Variants in YME1L1 observed in about 807,000 individuals in gnomAD.
The protein encoded by YME1L1 is ATP-dependent zinc metalloprotease YME1L1.
In YME1L1, 39 loss-of-function variants were observed where a neutral mutation model predicts 90.4. That is an observed-to-expected ratio of 0.43 (90% confidence interval 0.33 to 0.56). The LOEUF is 0.56. Among genes scored for constraint, YME1L1 ranks in the 20% least tolerant of loss-of-function variants. The pLI is 0.03. For synonymous variants in YME1L1, 284 were observed against 287.3 expected (o/e 0.99, Z 0.12); for missense variants, 617 against 868.4 (o/e 0.71, Z 3.64).
chr10:27,120,309 GA>G (rs1259566923), intron 13 of YME1L1, 125 bp downstream of exon 13: 2,373 of 578,684 alleles, frequency 4.1e-3, no homozygotes, highest in South Asian at 5.1e-3. Context: ...CATACTAATG[GA>G]AAAAAAAAAG....
At position 27,115,632 on chromosome 10, in the gene YME1L1, T is replaced by C. The variant is rs79400488; in HGVS notation, c.1920+428A>G. ...GCCCAGCCTAAAATCATTTTAAGTC[T>C]GGTTCTCAGTACTTTCTTGAAAAAC... is the stretch of plus-strand genomic sequence containing the variant. On this transcript the variant is annotated intron_variant, in intron 17 of 18. Transcript: ENST00000376016. Among the ~76,000 whole-genome samples the C allele has an allele frequency of 8.8e-3, 1,347 of 152,264 alleles. 29 individuals are homozygous for C. Among genetic ancestry groups the C allele is most frequent in the East Asian group, 0.066 (343 of 5,178 alleles).
intron 4 of YME1L1, among the ~76,000 whole-genome samples, chr10:27,141,485 G>A (rs529367626): frequency 2.0e-5 from 3 of 152,224 alleles, no homozygotes; most frequent in African/African-American, 2.4e-5. Context: ...TATGCTAAAT[G>A]AGCAGAATAC....
chr10:27,147,171 T>C (rs2135901480), intron 2 of YME1L1: 1 of 561,190 alleles, frequency 1.8e-6, no homozygotes, highest in Non-Finnish European at 3.2e-6. Context: ...TGATTAGTTC[T>C]GTCTTATAGA....
chr10:27,114,588 C>T lies in YME1L1; in HGVS notation c.1940G>A (p.Ser647Asn). The change falls in exon 18 of 19, where the codon AGT (serine) becomes AAT (asparagine). Residue 647 changes from serine to asparagine, a missense_variant. By Grantham distance (46) the Ser-to-Asn change is conservative. Coordinates refer to ENST00000376016, the MANE Select transcript of YME1L1 (RefSeq NM_014263.4). Reference sequence around the variant, plus strand: ...TTCTGGACTTAGTTTCCCTGTATCACTGTAGGTCATAACTCCAAGCTAAAA... The same window carrying T: ...TTCTGGACTTAGTTTCCCTGTATCATTGTAGGTCATAACTCCAAGCTAAAA... ...MSEKLGVMTY[S>N]DTGKLSPETQ... 6 of 1,613,422 alleles carry T rather than the reference C, an allele frequency of 3.7e-6. No individual in the cohort carries two copies. Among genetic ancestry groups the T allele is most frequent in the Non-Finnish European group, 4.2e-6 (5 of 1,179,860 alleles).
At chr10:27,136,042 C>A (rs1216078694) in intron 5 of YME1L1, among the ~76,000 whole-genome samples, 1 of 152,060 alleles carries the variant, frequency 6.6e-6, no homozygotes, top group African/African-American at 2.4e-5. Context: ...CTCATTAATA[C>A]AGAGAACACC....
chr10:27,110,162 A>G lies in YME1L1; in HGVS notation c.*1815T>C, dbSNP rs968699298. The G allele has an allele frequency of 5.3e-5, 8 of 152,192 alleles. No individual in the cohort carries two copies. Among genetic ancestry groups the G allele is most frequent in the African/African-American group, 1.9e-4 (8 of 41,436 alleles). 9.4% of individuals were successfully genotyped at this position (152,192 alleles called of 1,614,324 possible). ...GTAAATTATACCTCAACAAATATGT[A>G]AAAAAATTTAAGACAGATAAGACTT... On this transcript the variant is annotated 3_prime_UTR_variant, in exon 19 of 19. Coordinates refer to ENST00000376016, the MANE Select transcript of YME1L1 (RefSeq NM_014263.4).
chr10:27,114,511 A>G lies in YME1L1; in HGVS notation c.2007+10T>C. On this transcript the variant is annotated intron_variant, in intron 18 of 18. Coordinates refer to ENST00000376016, the MANE Select transcript of YME1L1 (RefSeq NM_014263.4). ...CTAAGAAAATAAATAAGCACAAAAA[A>G]TATTATTACCCTTAGAAGGATTCTT... 1 of 1,600,584 alleles carries G rather than the reference A, an allele frequency of 6.2e-7. No individual in the cohort carries two copies. Among genetic ancestry groups the G allele is most frequent in the Non-Finnish European group, 8.5e-7 (1 of 1,175,290 alleles).
chr10:27,144,284 G>A (rs2057119789), intron 3 of YME1L1, among the ~76,000 whole-genome samples: 1 of 152,162 alleles, frequency 6.6e-6, no homozygotes, highest in Non-Finnish European at 1.5e-5. Context: ...TTTAGGCAGA[G>A]GCAAACTTTT....
chr10:27,151,381 G>A (rs564045665), intron 1 of YME1L1, among the ~76,000 whole-genome samples: 1 of 152,304 alleles, frequency 6.6e-6, no homozygotes, highest in East Asian at 1.9e-4. Context: ...TTAAGAGGTG[G>A]GACCTTTAAG....
At position 27,136,699 on chromosome 10, in the gene YME1L1, C is replaced by CTTTATTTA. The variant is rs149072823; in HGVS notation, c.431-322_431-315dup. ...TCTATCCTCCTTTTTTCAAAAGGAA[C>CTTTATTTA]TTTATTTATTTATTTATTTATTTAT... On this transcript the variant is annotated intron_variant, in intron 4 of 18. Coordinates refer to ENST00000376016, the MANE Select transcript of YME1L1 (RefSeq NM_014263.4). Among the ~76,000 whole-genome samples, 664 of 145,506 alleles carry CTTTATTTA rather than the reference C, an allele frequency of 4.6e-3. 4 individuals carry two copies. Among genetic ancestry groups the CTTTATTTA allele is most frequent in the African/African-American group, 7.7e-3 (299 of 38,988 alleles).
chr10:27,147,798 G>T, intron 2 of YME1L1: 1 of 1,310,592 alleles, frequency 7.6e-7, no homozygotes, highest in African/African-American at 1.5e-5. Flanking sequence ...CTGGCTCCTG[G>T]CGTGCACAAT....
chr10:27,131,013 C>G (rs1564461624), intron 8 of YME1L1, among the ~76,000 whole-genome samples: 1 of 152,156 alleles, frequency 6.6e-6, no homozygotes, highest in Non-Finnish European at 1.5e-5. Flanking sequence ...AGTCAGACAC[C>G]CTATTACTTG....
At position 27,110,529 on chromosome 10, in the gene YME1L1, G is replaced by A. The variant is rs1197290342; in HGVS notation, c.*1448C>T. 6.6e-6 allele frequency: 1 copy of A among 152,074 alleles called. No homozygotes were observed. Among genetic ancestry groups the A allele is most frequent in the Non-Finnish European group, 1.5e-5 (1 of 68,020 alleles). 9.4% of individuals were successfully genotyped at this position (152,074 alleles called of 1,614,324 possible). A position where few individuals can be genotyped will look rare whatever the true frequency, so the allele number is the denominator to read the frequency against. On this transcript the variant is annotated 3_prime_UTR_variant, in exon 19 of 19. Coordinates refer to ENST00000376016, the MANE Select transcript of YME1L1 (RefSeq NM_014263.4). The stretch of plus-strand genomic sequence containing the variant: ...TCTGGTTGTAATACCAATACAATGT[G>A]TTCTAAAATAATTTTTCTATTGAGT...
chr10:27,136,208 A>G (rs2057025229), intron 5 of YME1L1, 68 bp downstream of exon 5: 9 of 1,247,550 alleles, frequency 7.2e-6, no homozygotes, highest in Non-Finnish European at 9.3e-6. Flanking sequence ...AAGAAATCAG[A>G]TATTGAAGCT....
Position 27,149,711 on chromosome 10 carries a change from CAAAAAAAAAAAAAAAAAA to C in YME1L1, c.34-689_34-672del, listed in dbSNP as rs58900380. Among the ~76,000 whole-genome samples the C allele has an allele frequency of 7.7e-3, 248 of 32,410 alleles. 2 individuals carry two copies. Among genetic ancestry groups the C allele is most frequent in the African/African-American group, 0.019 (244 of 12,776 alleles). 21.3% of individuals were successfully genotyped at this position (32,410 alleles called of 152,430 possible). A position where few individuals can be genotyped will look rare whatever the true frequency, so the allele number is the denominator to read the frequency against. ...GGGCAACAGGGTGAGACCTGTCTCTCAAAAAAAAAAAAAAAAAAAAAAAAAGAAACTACCACAGAATGA... is the reference window on the plus strand; with the variant it reads ...GGGCAACAGGGTGAGACCTGTCTCTCAAAAAAAGAAACTACCACAGAATGA... On this transcript the variant is annotated intron_variant, in intron 1 of 18. Transcript: ENST00000376016.
At chr10:27,122,279 T>C (rs1052149812) in intron 11 of YME1L1, among the ~76,000 whole-genome samples, 2 of 152,236 alleles carry the variant, frequency 1.3e-5, no homozygotes, top group Non-Finnish European at 2.9e-5. Context: ...GATAACCTGA[T>C]ATAAAAAGCT....
intron 18 of YME1L1, among the ~76,000 whole-genome samples, chr10:27,113,316 A>G (rs1046070883): frequency 1.3e-5 from 2 of 148,308 alleles, no homozygotes; most frequent in Non-Finnish European, 3.0e-5. Flanking sequence ...TACATAACCA[A>G]TCTCTCCACT....
At chr10:27,141,804 G>A (rs12355270) in intron 4 of YME1L1, among the ~76,000 whole-genome samples, 129 of 152,178 alleles carry the variant, frequency 8.5e-4, no homozygotes, top group Non-Finnish European at 7.6e-4. Context: ...TTTTTCCTGA[G>A]TTCTACTACT....
At chr10:27,134,013 G>T in intron 7 of YME1L1, 26 bp downstream of exon 7, 1 of 1,486,518 alleles carries the variant, frequency 6.7e-7, no homozygotes, top group Non-Finnish European at 9.3e-7. Context: ...TAAGAAATAA[G>T]TTAGACAAAT....
Sources: gnomAD v4.1 joint callset for allele counts (sites outside exome capture counted in the v4.1 genomes callset) on GRCh38, gnomAD v4.1.1 for gene constraint, MANE v1.5 for transcripts, NCBI Gene and HGNC (gene_info 2026-07-23, HGNC 2026-07-21) for gene names.